CLCN6: variants seen among roughly 807,000 people sequenced by gnomAD.
The protein encoded by CLCN6 is Cl-/H+ antiporter 6.
A neutral mutation model predicts 109.8 loss-of-function variants in CLCN6; 70 were observed. That is an observed-to-expected ratio of 0.64 (90% CI 0.53 to 0.78). CLCN6 has a LOEUF of 0.78. Among genes scored for constraint, CLCN6 ranks in the 30% least tolerant of loss-of-function variants. The pLI, the probability that CLCN6 is intolerant of heterozygous loss-of-function variation, is 0.00. For synonymous variants in CLCN6, 444 were observed against 447.8 expected (o/e 0.99, Z 0.11); for missense variants, 984 against 1,142.3 (o/e 0.86, Z 2.00).
intron 13 of CLCN6, among the ~76,000 whole-genome samples, chr1:11,832,594 G>A (rs76288343): frequency 0.042 from 6,324 of 152,336 alleles, 164 homozygotes; most frequent in Middle Eastern, 0.078. Context: ...TGCCCAGCCC[G>A]TTTCACCTGG....
chr1:11,834,427 C>T lies in CLCN6; in HGVS notation c.1686+32C>T. ...ACACTCCCTCCAGGCCCCTGTCAGG[C>T]TCAGGGCCACGTCCGCCCCACAGGA... On this transcript the variant is annotated intron_variant, in intron 16 of 22. Transcript: ENST00000346436. This position sits in a 1 kb window ranked among gnomAD's most constrained non-coding sequence, Gnocchi z 4.5. 1.2e-6 allele frequency: 2 copies of T among 1,612,996 alleles called. No individual in the cohort carries two copies. The highest frequency in any genetic ancestry group is 1.7e-6 in the Non-Finnish European group (2 of 1,179,164).
chr1:11,827,286 C>G, intron 10 of CLCN6, 65 bp downstream of exon 10: 1 of 1,521,844 alleles, frequency 6.6e-7, no homozygotes, highest in South Asian at 1.2e-5. Context: ...GTCCCTTACT[C>G]GGTACATGGA....
intron 11 of CLCN6, 81 bp downstream of exon 11, chr1:11,828,300 G>T (rs1644837870): frequency 4.8e-6 from 7 of 1,450,614 alleles, no homozygotes; most frequent in Non-Finnish European, 6.8e-6. Flanking sequence ...AGAGAAATGA[G>T]CAGAGGGCTA....
At chr1:11,822,317 G>A (rs1026877878) in intron 5 of CLCN6, among the ~76,000 whole-genome samples, 1 of 152,066 alleles carries the variant, frequency 6.6e-6, no homozygotes, top group Admixed American at 6.6e-5. Flanking sequence ...GGAATGCAGT[G>A]GTGCAATGAC....
intron 2 of CLCN6, among the ~76,000 whole-genome samples, chr1:11,815,085 G>C (rs1172192346): frequency 6.6e-6 from 1 of 150,802 alleles, no homozygotes; most frequent in East Asian, 1.9e-4. Flanking sequence ...TTCCATGTTA[G>C]TTTGTCTTGT....
intron 13 of CLCN6, 93 bp from the exon 14 acceptor site, chr1:11,833,422 G>A (rs1000497581): frequency 2.3e-6 from 3 of 1,279,284 alleles, no homozygotes; most frequent in African/African-American, 1.5e-5. Context: ...GGAAAGCTGT[G>A]CAGCCACCTG....
Position 11,826,139 on chromosome 1 carries a change from C to T in CLCN6, c.649-17C>T, listed in dbSNP as rs751259525. ...TATGAGTAGGCTCTTTAGTGGCTCT[C>T]TTTTCTCTTGCTTTAGTTTCAGAGC... On this transcript the variant is annotated splice_polypyrimidine_tract_variant and intron_variant, in intron 8 of 22. Coordinates refer to ENST00000346436, the MANE Select transcript of CLCN6 (RefSeq NM_001286.5). The T allele has an allele frequency of 1.1e-5, 17 of 1,606,132 alleles. No homozygotes were observed. The highest frequency in any genetic ancestry group is 1.4e-5 in the Non-Finnish European group (16 of 1,173,968).
chr1:11,833,498 T>C lies in CLCN6; in HGVS notation c.1249-17T>C. 6.2e-7 allele frequency: 1 copy of C among 1,613,320 alleles called. No individual in the cohort carries two copies. Among genetic ancestry groups the C allele is most frequent in the Non-Finnish European group, 8.5e-7 (1 of 1,179,734 alleles). ...GTCAGGTGTCCTTGTACTGATTTTC[T>C]GATTCCTTCTTCTCAGGTCACAGAA... On this transcript the variant is annotated splice_polypyrimidine_tract_variant and intron_variant, in intron 13 of 22. Coordinates refer to ENST00000346436, the MANE Select transcript of CLCN6 (RefSeq NM_001286.5).
Position 11,833,633 on chromosome 1 carries a change from A to G in CLCN6, c.1367A>G (p.Gln456Arg), listed in dbSNP as rs746205692. 9.9e-6 allele frequency: 16 copies of G among 1,613,474 alleles called. No homozygotes were observed. Among genetic ancestry groups the G allele is most frequent in the Admixed American group, 1.7e-5 (1 of 60,012 alleles). Residue 456 changes from glutamine (Q) to arginine (R), a missense_variant, in exon 14 of 23, where the codon CAG (glutamine) becomes CGG (arginine). By Grantham distance (43) the Gln-to-Arg change is conservative (BLOSUM62 1). Coordinates refer to ENST00000346436, the MANE Select transcript of CLCN6 (RefSeq NM_001286.5). ...QESAILQLFH[Q>R]DGTFSPVTLA... is the part of the protein sequence containing the mutation. ...TCTGCCATCCTCCAGCTCTTCCACC[A>G]GGATGGTGAGTGTCTGCACTGCAGC...
intron 22 of CLCN6, among the ~76,000 whole-genome samples, chr1:11,839,267 T>C (rs576212629): frequency 2.0e-5 from 3 of 152,186 alleles, no homozygotes; most frequent in Non-Finnish European, 4.4e-5. Context: ...GTTGTTGCTG[T>C]TGTTGTTGTT....
chr1:11,813,230 G>A (rs899118824), intron 2 of CLCN6, among the ~76,000 whole-genome samples: 1 of 152,020 alleles, frequency 6.6e-6, no homozygotes, highest in Non-Finnish European at 1.5e-5. Flanking sequence ...GCCTTTTGTC[G>A]GTTCACTTTC....
rs1359328796 is a variant in CLCN6 at position 11,830,737 on chromosome 1, T to TATAATATATATATATA, written c.1248+1415_1248+1416insATAATATATATATATA. Among the ~76,000 whole-genome samples the TATAATATATATATATA allele has an allele frequency of 1.7e-3, 156 of 91,042 alleles. 2 individuals are homozygous for TATAATATATATATATA. The highest frequency in any genetic ancestry group is 6.0e-3 in the African/African-American group (149 of 25,040). The allele number at this position is 91,042 out of a possible 152,430, so 59.7% of individuals were successfully genotyped here. On this transcript the variant is annotated intron_variant, in intron 13 of 22. Transcript: ENST00000346436. ...CAGTGTCCCCAGTTATATGTATATA[T>TATAATATATATATATA]TATATATATATATATATATATATAT...
Position 11,806,290 on chromosome 1 carries a change from T to C in CLCN6, c.28T>C (p.Cys10Arg). 2 of 1,507,814 alleles carry C rather than the reference T, an allele frequency of 1.3e-6. No homozygotes were observed. Among genetic ancestry groups the C allele is most frequent in the Non-Finnish European group, 1.8e-6 (2 of 1,139,164 alleles). 93.4% of individuals were successfully genotyped at this position (1,507,814 alleles called of 1,614,324 possible). A position where few individuals can be genotyped will look rare whatever the true frequency, so the allele number is the denominator to read the frequency against. ...GGCGGGGTGCAGGGGGTCTCTGTGC[T>C]GCTGCTGCAGGTGGTGCTGCTGCTG... is the stretch of plus-strand genomic sequence containing the variant. MAGCRGSLC[C>R]CCRWCCCCGE... Residue 10 changes from cysteine (C) to arginine (R), a missense_variant, in exon 1 of 23, where the codon TGC becomes CGC. Transcript: ENST00000346436.
chr1:11,828,798 G>C (rs1644845357), intron 12 of CLCN6, among the ~76,000 whole-genome samples, 174 bp downstream of exon 12: 1 of 152,204 alleles, frequency 6.6e-6, no homozygotes, highest in African/African-American at 2.4e-5. Flanking sequence ...AAAGGGCTGA[G>C]CCAGCTTAAT....
Position 11,835,948 on chromosome 1 carries a change from A to C in CLCN6, c.1794-19A>C. On this transcript the variant is annotated intron_variant, in intron 17 of 22. Coordinates refer to ENST00000346436, the MANE Select transcript of CLCN6 (RefSeq NM_001286.5). ...GCGGGCACTGTCATGAGGCTGGATG[A>C]CTTGCCCTCCTCCCCCAGGCTGAGA... 1 of 1,607,454 alleles carries C rather than the reference A, an allele frequency of 6.2e-7. No homozygotes were observed. Among genetic ancestry groups the C allele is most frequent in the Non-Finnish European group, 8.5e-7 (1 of 1,176,616 alleles).
chr1:11,838,291 C>T, intron 20 of CLCN6, 44 bp from the exon 21 acceptor site: 1 of 1,563,296 alleles, frequency 6.4e-7, no homozygotes, highest in Non-Finnish European at 8.8e-7. Flanking sequence ...ACCCTGCTGG[C>T]CACTGCTGCC....
At chr1:11,839,210 G>A (rs920658787) in intron 22 of CLCN6, among the ~76,000 whole-genome samples, 1 of 152,138 alleles carries the variant, frequency 6.6e-6, no homozygotes, top group Non-Finnish European at 1.5e-5. Context: ...CTACCCTGTC[G>A]CGGTAGCCCT....
At chr1:11,816,558 C>T (rs1298841907) in intron 3 of CLCN6, 57 bp from the exon 4 acceptor site, 2 of 1,508,356 alleles carry the variant, frequency 1.3e-6, no homozygotes, top group South Asian at 1.2e-5. Context: ...AGATGTATTT[C>T]TTCCCCTCTG....
chr1:11,837,644 C>T (rs975359847), intron 20 of CLCN6, 145 bp downstream of exon 20: 6 of 779,948 alleles, frequency 7.7e-6, no homozygotes, highest in Non-Finnish European at 1.2e-5. Flanking sequence ...GAGGAGTCGC[C>T]ACAGCCGGGT....
Sources: allele counts gnomAD v4.1 joint callset (sites outside exome capture counted in the v4.1 genomes callset), GRCh38; gene constraint gnomAD v4.1.1; non-coding constraint Gnocchi (gnomAD v3.1); transcripts MANE v1.5; gene names NCBI Gene and HGNC (gene_info 2026-07-23, HGNC 2026-07-21).